Variants in SPOCK1 observed in about 807,000 individuals in gnomAD.
SPOCK1 encodes the protein testican-1.
SPOCK1 carries 23 observed loss-of-function variants against 55.3 expected under a neutral mutation model. That is an observed-to-expected ratio of 0.42 (90% CI 0.30 to 0.59). The LOEUF (loss-of-function observed/expected upper bound fraction) is 0.59. SPOCK1 is among the 20% of genes least tolerant of loss of function. The pLI, the probability that SPOCK1 is intolerant of heterozygous loss-of-function variation, is 0.22. For missense variants in SPOCK1, 499 were observed against 552.5 expected (o/e 0.90, Z 0.97); for synonymous variants, 226 against 221.0 (o/e 1.02, Z -0.20).
chr5:137,367,562 C>T (rs1267879353), intron 2 of SPOCK1, among the ~76,000 whole-genome samples: 1 of 152,200 alleles, frequency 6.6e-6, no homozygotes, highest in Non-Finnish European at 1.5e-5. Flanking sequence ...TGAAAGCAGG[C>T]ATGCAGTGAA....
intron 2 of SPOCK1, among the ~76,000 whole-genome samples, chr5:137,496,093 G>A (rs1226867031): frequency 6.6e-6 from 1 of 151,996 alleles, no homozygotes; most frequent in Non-Finnish European, 1.5e-5. Context: ...TTATGTCTTG[G>A]ACATTTTTAT....
intron 4 of SPOCK1, among the ~76,000 whole-genome samples, chr5:137,131,992 ATATATATATAT>A (rs1753892682): frequency 1.8e-4 from 6 of 33,018 alleles, no homozygotes; most frequent in African/African-American, 7.1e-4. Flanking sequence ...AAAAAAAAAT[ATATATATATAT>A]ATATATATAT....
At chr5:137,276,786 G>A (rs1757075344) in intron 2 of SPOCK1, among the ~76,000 whole-genome samples, 1 of 152,070 alleles carries the variant, frequency 6.6e-6, no homozygotes, top group East Asian at 1.9e-4. Context: ...GGTCTCAGAG[G>A]GATCAACCAG....
intron 2 of SPOCK1, among the ~76,000 whole-genome samples, chr5:137,352,568 C>T (rs954987913): frequency 2.6e-5 from 4 of 152,086 alleles, no homozygotes; most frequent in African/African-American, 9.7e-5. Flanking sequence ...TAGTAGAGTG[C>T]CTGGCACAGC....
intron 2 of SPOCK1, among the ~76,000 whole-genome samples, chr5:137,420,134 C>T (rs1292506049): frequency 6.6e-6 from 1 of 152,172 alleles, no homozygotes; most frequent in Non-Finnish European, 1.5e-5. Flanking sequence ...CCTTGCATCC[C>T]AGGGATGAAG....
chr5:137,354,605 A>G (rs1345206063), intron 2 of SPOCK1, among the ~76,000 whole-genome samples: 1 of 152,126 alleles, frequency 6.6e-6, no homozygotes, highest in Admixed American at 6.6e-5. Context: ...CTTTCTATCA[A>G]TATTTGCAGA....
chr5:137,470,340 G>A (rs148750311), intron 2 of SPOCK1, among the ~76,000 whole-genome samples: 159 of 152,314 alleles, frequency 1.0e-3, no homozygotes, highest in African/African-American at 3.4e-3. Context: ...TTTACGAAAA[G>A]AGGTCAGTCA....
chr5:137,470,160 C>T (rs576098045), intron 2 of SPOCK1, among the ~76,000 whole-genome samples: 5 of 152,272 alleles, frequency 3.3e-5, no homozygotes, highest in African/African-American at 1.2e-4. Flanking sequence ...GGATTTCCAT[C>T]CACAATGAAA....
chr5:137,253,423 A>C (rs1756575417), intron 3 of SPOCK1, among the ~76,000 whole-genome samples: 1 of 152,208 alleles, frequency 6.6e-6, no homozygotes, highest in Non-Finnish European at 1.5e-5. Context: ...TGGTAAACTG[A>C]ATCTACCTCA....
At chr5:137,277,223 CT>C (rs796975762) in intron 2 of SPOCK1, among the ~76,000 whole-genome samples, 14 of 152,244 alleles carry the variant, frequency 9.2e-5, no homozygotes, top group African/African-American at 2.6e-4. Context: ...CTATATTGCC[CT>C]GGCTGGTCTC....
At chr5:137,407,960 G>A (rs1229082218) in intron 2 of SPOCK1, among the ~76,000 whole-genome samples, 2 of 145,008 alleles carry the variant, frequency 1.4e-5, no homozygotes, top group Non-Finnish European at 3.0e-5. Flanking sequence ...CACCCCCACT[G>A]CTCACTTGGC....
At position 137,487,325 on chromosome 5, in the gene SPOCK1, T is replaced by C. The variant is rs566171710; in HGVS notation, c.186+11048A>G. 1.0e-3 allele frequency among the ~76,000 whole-genome samples: 146 copies of C among 141,460 alleles called. 3 individuals are homozygous for C. Among genetic ancestry groups the C allele is most frequent in the Middle Eastern group, 7.1e-3 (2 of 280 alleles). The allele number at this position is 141,460 out of a possible 152,430, so 92.8% of individuals were successfully genotyped here. ...AGGGGGCAGGGGAGTGGATGCCTTC[T>C]GATCTTTCAAAAAAAAAAAAAAAAA... On this transcript the variant is annotated intron_variant, in intron 2 of 10. Coordinates refer to ENST00000394945, the MANE Select transcript of SPOCK1 (RefSeq NM_004598.4).
intron 5 of SPOCK1, among the ~76,000 whole-genome samples, chr5:137,074,336 C>T (rs1337943890): frequency 6.6e-6 from 1 of 152,100 alleles, no homozygotes; most frequent in Non-Finnish European, 1.5e-5. Context: ...ATGGAATGTT[C>T]TTACAGGCAT....
rs1752747882 is a variant in SPOCK1 at position 137,075,847 on chromosome 5, G to A, written c.475-8018C>T. Among the ~76,000 whole-genome samples the A allele has an allele frequency of 2.0e-5, 3 of 152,174 alleles. No homozygotes were observed. The South Asian group carries it at 6.2e-4, about 31-fold the overall frequency. On this transcript the variant is annotated intron_variant, in intron 5 of 10. Coordinates refer to ENST00000394945, the MANE Select transcript of SPOCK1 (RefSeq NM_004598.4). ...ACTGCACACAAGGGGAACTGCCTTGGCTCACCTCCACTGTTCTCACTTCTG... is the reference window on the plus strand; with the variant it reads ...ACTGCACACAAGGGGAACTGCCTTGACTCACCTCCACTGTTCTCACTTCTG...
chr5:137,041,656 G>A (rs1752000644), intron 6 of SPOCK1, among the ~76,000 whole-genome samples: 1 of 152,002 alleles, frequency 6.6e-6, no homozygotes, highest in Non-Finnish European at 1.5e-5. Flanking sequence ...CAAAACATGG[G>A]AACAAACACT....
intron 4 of SPOCK1, among the ~76,000 whole-genome samples, chr5:137,122,743 T>C (rs900529866): frequency 6.6e-6 from 1 of 152,260 alleles, no homozygotes; most frequent in African/African-American, 2.4e-5. Context: ...TTCCAGCTAA[T>C]TGTAGGCTCA....
Position 137,474,455 on chromosome 5 carries a change from A to C in SPOCK1, c.186+23918T>G, listed in dbSNP as rs142639603. Among the ~76,000 whole-genome samples the C allele has an allele frequency of 2.5e-3, 383 of 152,292 alleles. 3 individuals are homozygous for C. Among genetic ancestry groups the C allele is most frequent in the African/African-American group, 8.4e-3 (350 of 41,554 alleles). ...CTGAAAGTATCGATAAGAGCTCATA[A>C]TTTATAGCATTCCTGCCTCTGTGCA... On this transcript the variant is annotated intron_variant, in intron 2 of 10. Transcript: ENST00000394945.
chr5:137,338,270 T>C (rs1750332443), intron 2 of SPOCK1, among the ~76,000 whole-genome samples: 1 of 151,740 alleles, frequency 6.6e-6, no homozygotes, highest in Admixed American at 6.6e-5. Flanking sequence ...CATGCAGTGT[T>C]TGGTTTGTTG....
intron 2 of SPOCK1, among the ~76,000 whole-genome samples, chr5:137,315,925 A>C (rs1757872550): frequency 1.3e-5 from 2 of 152,178 alleles, no homozygotes; most frequent in African/African-American, 4.8e-5. Flanking sequence ...CCTTTCTGAT[A>C]GCTCCCAGGT....
Sources: allele counts gnomAD v4.1 joint callset (sites outside exome capture counted in the v4.1 genomes callset), GRCh38; gene constraint gnomAD v4.1.1; transcripts MANE v1.5; gene names NCBI Gene and HGNC (gene_info 2026-07-23, HGNC 2026-07-21).